Variants in MARCHF7 observed in about 807,000 individuals in gnomAD.
MARCHF7 encodes the protein E3 ubiquitin-protein ligase MARCHF7.
In MARCHF7, 20 loss-of-function variants were observed where a neutral mutation model predicts 76.5. That is an observed-to-expected ratio of 0.26 (90% confidence interval 0.18 to 0.38). The LOEUF (loss-of-function observed/expected upper bound fraction) is 0.38. Among genes scored for constraint, MARCHF7 ranks in the 10% least tolerant of loss-of-function variants. The pLI, the probability that MARCHF7 is intolerant of heterozygous loss-of-function variation, is 1.00. For missense variants in MARCHF7, 797 were observed against 812.9 expected (o/e 0.98, Z 0.24); for synonymous variants, 295 against 293.0 (o/e 1.01, Z -0.07).
intron 4 of MARCHF7, among the ~76,000 whole-genome samples, chr2:159,731,343 T>C (rs1702764785): frequency 6.6e-6 from 1 of 152,218 alleles, no homozygotes; most frequent in South Asian, 2.1e-4. Context: ...ATAATTATTA[T>C]AATAGTGTAG....
At chr2:159,761,483 C>T (rs1172700283) in intron 9 of MARCHF7, among the ~76,000 whole-genome samples, 3 of 121,868 alleles carry the variant, frequency 2.5e-5, no homozygotes, top group Non-Finnish European at 3.2e-5. Context: ...GGCATGATCT[C>T]GGCCAACTGC....
At chr2:159,713,031 C>T (rs914471206) in intron 1 of MARCHF7, among the ~76,000 whole-genome samples, 2 of 152,222 alleles carry the variant, frequency 1.3e-5, no homozygotes, top group Non-Finnish European at 2.9e-5. Context: ...CGCGCGTGAG[C>T]TCGCCGGTGA....
intron 6 of MARCHF7, among the ~76,000 whole-genome samples, chr2:159,746,795 TG>T (rs1232812836): frequency 2.0e-5 from 3 of 152,174 alleles, no homozygotes; most frequent in African/African-American, 7.2e-5. Flanking sequence ...TAGGCAGAAA[TG>T]GAGTTTGATT....
intron 4 of MARCHF7, among the ~76,000 whole-genome samples, chr2:159,730,091 C>T (rs1401029796): frequency 6.6e-6 from 1 of 152,106 alleles, no homozygotes; most frequent in Non-Finnish European, 1.5e-5. Flanking sequence ...TTGTTTGAAA[C>T]AGGGTTTTGC....
chr2:159,720,027 C>T (rs921405400), intron 3 of MARCHF7, among the ~76,000 whole-genome samples: 26 of 152,056 alleles, frequency 1.7e-4, no homozygotes, highest in Non-Finnish European at 2.2e-4. Flanking sequence ...GTGTCCCGCC[C>T]TCCCCCCTCC....
rs1264350516 is a variant in MARCHF7, at chr2:159,748,305, A to G, written c.1015A>G (p.Asn339Asp). The G allele has an allele frequency of 5.0e-6, 8 of 1,613,280 alleles. No homozygotes were observed. The highest frequency in any genetic ancestry group is 2.2e-5 in the South Asian group (2 of 91,000). Residue 339 changes from asparagine (N) to aspartate (D), a missense_variant, in exon 7 of 12, where the codon AAT becomes GAT. Transcript: ENST00000409175. Reference sequence around the variant, plus strand: ...ACCATCAGCTTCTGAAGTTCCCGATAATAGGGCATCTGAAGCTTCTCAGGG... The same window carrying G: ...ACCATCAGCTTCTGAAGTTCCCGATGATAGGGCATCTGAAGCTTCTCAGGG... ...NVPSASEVPD[N>D]RASEASQGFR...
intron 11 of MARCHF7, among the ~76,000 whole-genome samples, chr2:159,766,886 A>G (rs1443262577): frequency 6.6e-6 from 1 of 152,186 alleles, no homozygotes; most frequent in Non-Finnish European, 1.5e-5. Context: ...TGCACCAAAC[A>G]TGCAGCGGTA....
intron 2 of MARCHF7, 56 bp downstream of exon 2, chr2:159,714,654 T>C (rs1349404715): frequency 2.0e-5 from 3 of 152,342 alleles, no homozygotes; most frequent in Admixed American, 6.5e-5. Context: ...AATTAGTGTC[T>C]GGGTGTGGTG....
intron 7 of MARCHF7, among the ~76,000 whole-genome samples, chr2:159,751,579 T>C (rs2125632223): frequency 6.6e-6 from 1 of 152,338 alleles, no homozygotes; most frequent in Middle Eastern, 3.4e-3. Flanking sequence ...TTTGCTAAGT[T>C]CATTTAGGAA....
In MARCHF7 at chr2:159,729,090, G is replaced by A; in HGVS notation, c.68G>A (p.Arg23Lys). The change falls in exon 4 of 12, where the codon AGG (arginine) becomes AAG (lysine). Residue 23 changes from arginine (R) to lysine (K), a missense_variant. Coordinates refer to ENST00000409175, the MANE Select transcript of MARCHF7 (RefSeq NM_001282805.2). ...CAACCTTCCAGCTCCTTAAGTGCTA[G>A]GATGATGTCTGGAAGCAGAGGAAGT... ...SVQPSSSLSA[R>K]MMSGSRGSSL... 1 of 1,612,208 alleles carries A rather than the reference G, an allele frequency of 6.2e-7. No homozygotes were observed. The highest frequency in any genetic ancestry group is 8.5e-7 in the Non-Finnish European group (1 of 1,179,256).
intron 11 of MARCHF7, among the ~76,000 whole-genome samples, chr2:159,765,435 T>G (rs948165850): frequency 6.6e-6 from 1 of 152,106 alleles, no homozygotes; most frequent in African/African-American, 2.4e-5. Flanking sequence ...TATTGGTGGC[T>G]CTGGAATAGT....
Position 159,729,011 on chromosome 2 carries a change from A to G in MARCHF7, c.-12A>G. ...TAATGAAAATTTTTATTTCACAGAAAAATCTTTAAGAATGGAGTCTAAACC... is the reference window on the plus strand; with the variant it reads ...TAATGAAAATTTTTATTTCACAGAAGAATCTTTAAGAATGGAGTCTAAACC... On this transcript the variant is annotated splice_region_variant and 5_prime_UTR_variant, in exon 4 of 12. Transcript: ENST00000409175. 1 of 1,542,128 alleles carries G rather than the reference A, an allele frequency of 6.5e-7. No homozygotes were observed. Among genetic ancestry groups the G allele is most frequent in the Non-Finnish European group, 8.7e-7 (1 of 1,149,464 alleles).
intron 5 of MARCHF7, among the ~76,000 whole-genome samples, chr2:159,744,137 G>A (rs1193378861): frequency 1.3e-5 from 2 of 150,926 alleles, no homozygotes; most frequent in African/African-American, 4.9e-5. Context: ...ACAGGCGCCC[G>A]CCACTACGCC....
chr2:159,724,721 C>T (rs7578710), intron 3 of MARCHF7, among the ~76,000 whole-genome samples: 52,368 of 151,944 alleles, frequency 0.34, 9,229 homozygotes, highest in South Asian at 0.44. Flanking sequence ...CTAGGGTACA[C>T]GTGCACAACA....
chr2:159,759,867 CG>C (rs1326131608), intron 9 of MARCHF7, among the ~76,000 whole-genome samples: 1 of 152,138 alleles, frequency 6.6e-6, no homozygotes, highest in Non-Finnish European at 1.5e-5. Flanking sequence ...GAGGCTAAGA[CG>C]GGATGACTGT....
chr2:159,752,327 T>G (rs1235077753), intron 7 of MARCHF7, 75 bp from the exon 8 acceptor site: 2 of 1,345,024 alleles, frequency 1.5e-6, no homozygotes, highest in Non-Finnish European at 2.0e-6. Flanking sequence ...AAAAGAAAGC[T>G]TGTGATTATG....
At chr2:159,745,339 A>G (rs1560012553) in intron 5 of MARCHF7, among the ~76,000 whole-genome samples, 2 of 152,174 alleles carry the variant, frequency 1.3e-5, no homozygotes, top group Admixed American at 6.6e-5. Context: ...GATAACAACT[A>G]TATAACCGGG....
Position 159,748,901 on chromosome 2 carries a change from G to A in MARCHF7, c.1611G>A (p.Glu537=). ...RDPERLQKIK[E]SLLLEDSEEE... is the part of the protein sequence containing the mutation. ...CAGAAAGATTGCAGAAAATAAAAGA[G>A]AGGTAAATTCGAATACCTGTCTTAA... Residue 537 remains glutamate, a splice_region_variant and synonymous_variant, in exon 7 of 12, where the codon GAG becomes GAA. Coordinates refer to ENST00000409175, the MANE Select transcript of MARCHF7 (RefSeq NM_001282805.2). 1 of 1,593,644 alleles carries A rather than the reference G, an allele frequency of 6.3e-7. No homozygotes were observed. The highest frequency in any genetic ancestry group is 8.5e-7 in the Non-Finnish European group (1 of 1,171,530).
chr2:159,734,215 GTGTT>G (rs1157545074), intron 4 of MARCHF7: 11 of 786,356 alleles, frequency 1.4e-5, no homozygotes, highest in South Asian at 1.2e-4. Flanking sequence ...AATCTGTTTA[GTGTT>G]TGTTCTGTTT....
Sources: gnomAD v4.1 joint callset for allele counts (sites outside exome capture counted in the v4.1 genomes callset) on GRCh38, gnomAD v4.1.1 for gene constraint, MANE v1.5 for transcripts, NCBI Gene and HGNC (gene_info 2026-07-23, HGNC 2026-07-21) for gene names.